The following RASGRF2 variants were observed in gnomAD, a reference collection of about 807,000 sequenced individuals.
The protein encoded by RASGRF2 is ras-specific guanine nucleotide-releasing factor 2.
In RASGRF2, 76 loss-of-function variants were observed where a neutral mutation model predicts 151.0. That is an observed-to-expected ratio of 0.50 (90% confidence interval 0.42 to 0.61). The LOEUF (loss-of-function observed/expected upper bound fraction) is 0.61, where lower values mean the gene tolerates loss of function less well. Among genes scored for constraint, RASGRF2 ranks in the 20% least tolerant of loss-of-function variants. The pLI, the probability that RASGRF2 is intolerant of heterozygous loss-of-function variation, is 0.00. For missense variants in RASGRF2, 1,148 were observed against 1,564.6 expected (o/e 0.73, Z 4.49); for synonymous variants, 504 against 566.5 (o/e 0.89, Z 1.57).
chr5:81,136,652 C>T (rs1045310666), intron 17 of RASGRF2, among the ~76,000 whole-genome samples: 12 of 152,186 alleles, frequency 7.9e-5, no homozygotes, highest in East Asian at 1.9e-4. Context: ...ATCTGGGTTT[C>T]GTGTCTGTTA....
rs901636624 is a variant in RASGRF2, at chr5:81,226,186, G to A, written c.*416G>A. On this transcript the variant is annotated 3_prime_UTR_variant, in exon 27 of 27. Transcript: ENST00000265080. ...CTGGGCACACCTACCAATCTTCTAG[G>A]ATTTGACTGGTTCCATTACATTTCC... 1.3e-5 allele frequency: 2 copies of A among 156,040 alleles called. No individual in the cohort carries two copies. The highest frequency in any genetic ancestry group is 2.4e-5 in the African/African-American group (1 of 41,540). 9.7% of individuals were successfully genotyped at this position (156,040 alleles called of 1,614,324 possible).
chr5:81,215,267 CTTTT>C (rs772223510), intron 23 of RASGRF2, among the ~76,000 whole-genome samples: 4 of 119,782 alleles, frequency 3.3e-5, no homozygotes, highest in South Asian at 2.7e-4. Context: ...AATATAGAAT[CTTTT>C]TTTTTTTTTT....
chr5:81,106,408 G>A (rs375992328), intron 12 of RASGRF2, among the ~76,000 whole-genome samples: 5 of 152,080 alleles, frequency 3.3e-5, no homozygotes, highest in South Asian at 2.1e-4. Flanking sequence ...TCCATTGAAC[G>A]AATACCACCA....
intron 1 of RASGRF2, among the ~76,000 whole-genome samples, chr5:81,007,107 A>G (rs749796550): frequency 6.6e-6 from 1 of 152,124 alleles, no homozygotes; most frequent in East Asian, 1.9e-4. Context: ...CTCCGTACAC[A>G]TTTATAAATG....
Position 81,225,893 on chromosome 5 carries a change from G to T in RASGRF2, c.*123G>T. 9.7e-7 allele frequency: 1 copy of T among 1,034,810 alleles called. No homozygotes were observed. The highest frequency in any genetic ancestry group is 1.3e-6 in the Non-Finnish European group (1 of 757,748). The allele number at this position is 1,034,810 out of a possible 1,614,324, so 64.1% of individuals were successfully genotyped here. On this transcript the variant is annotated 3_prime_UTR_variant, in exon 27 of 27. Coordinates refer to ENST00000265080, the MANE Select transcript of RASGRF2 (RefSeq NM_006909.3). ...GCTCCTTTCTCCACCAAAGAAGATG[G>T]AACCAGACTGGAATTCTGTCTCCAG...
intron 17 of RASGRF2, among the ~76,000 whole-genome samples, chr5:81,134,017 C>T (rs990776554): frequency 3.3e-5 from 5 of 150,544 alleles, no homozygotes; most frequent in African/African-American, 1.2e-4. Context: ...TCGTGGGATT[C>T]AGGAATTTTT....
intron 21 of RASGRF2, 84 bp from the exon 22 acceptor site, chr5:81,208,270 T>C: frequency 8.5e-7 from 1 of 1,177,042 alleles, no homozygotes; most frequent in South Asian, 1.4e-5. Context: ...GGAATTTTTC[T>C]AATATTCGTG....
intron 5 of RASGRF2, among the ~76,000 whole-genome samples, chr5:81,079,311 A>C (rs1258587019): frequency 6.6e-6 from 1 of 152,226 alleles, no homozygotes; most frequent in Non-Finnish European, 1.5e-5. Context: ...ATAAATTAGA[A>C]TCTCATGGAG....
chr5:81,137,624 C>T (rs1452194592), intron 17 of RASGRF2, among the ~76,000 whole-genome samples: 2 of 152,090 alleles, frequency 1.3e-5, no homozygotes, highest in African/African-American at 4.8e-5. Flanking sequence ...TGGATGAACC[C>T]TATAAGGAGG....
intron 1 of RASGRF2, among the ~76,000 whole-genome samples, chr5:80,989,620 AGTGCCACATC>A (rs1748584769): frequency 6.6e-6 from 1 of 152,202 alleles, no homozygotes; most frequent in African/African-American, 2.4e-5. Flanking sequence ...GTTTTCATAA[AGTGCCACATC>A]GTGTTAGTAA....
At chr5:81,052,804 A>G (rs1230092998) in intron 2 of RASGRF2, among the ~76,000 whole-genome samples, 2 of 152,236 alleles carry the variant, frequency 1.3e-5, no homozygotes, top group East Asian at 3.9e-4. Context: ...ATTGTCATCC[A>G]TGCTTGGATT....
chr5:81,204,525 A>G (rs939068909), intron 19 of RASGRF2, among the ~76,000 whole-genome samples: 42 of 152,180 alleles, frequency 2.8e-4, no homozygotes, highest in African/African-American at 9.9e-4. Flanking sequence ...TAAGTGTATG[A>G]TGAATACACT....
intron 16 of RASGRF2, among the ~76,000 whole-genome samples, chr5:81,126,429 CT>C (rs1406332357): frequency 6.6e-6 from 1 of 152,088 alleles, no homozygotes; most frequent in Non-Finnish European, 1.5e-5. Context: ...ATAGTTCAGT[CT>C]TTTTTTAATT....
At chr5:81,027,169 C>T (rs1750064927) in intron 1 of RASGRF2, among the ~76,000 whole-genome samples, 1 of 152,094 alleles carries the variant, frequency 6.6e-6, no homozygotes, top group Non-Finnish European at 1.5e-5. Flanking sequence ...AAAAAGAAAA[C>T]ACAGTGATGG....
chr5:81,055,144 C>T (rs1448065685), intron 2 of RASGRF2, among the ~76,000 whole-genome samples: 1 of 152,166 alleles, frequency 6.6e-6, no homozygotes, highest in African/African-American at 2.4e-5. Flanking sequence ...ATTGCCCTGG[C>T]CAGAACTTCC....
intron 5 of RASGRF2, among the ~76,000 whole-genome samples, chr5:81,078,666 G>C (rs940254151): frequency 3.9e-5 from 6 of 152,094 alleles, no homozygotes; most frequent in African/African-American, 1.2e-4. Flanking sequence ...TTTTAACACA[G>C]GTTTATAGTT....
Position 81,084,474 on chromosome 5 carries a change from G to C in RASGRF2, c.1162-1328G>C, listed in dbSNP as rs147545234. ...CTCCTCCATATATCCTAAAAAGGGAGGATTCTCCTGTTTCCCACCCTTCCA... is the reference window on the plus strand; with the variant it reads ...CTCCTCCATATATCCTAAAAAGGGACGATTCTCCTGTTTCCCACCCTTCCA... On this transcript the variant is annotated intron_variant, in intron 7 of 26. Transcript: ENST00000265080. 3.1e-3 allele frequency among the ~76,000 whole-genome samples: 466 copies of C among 152,284 alleles called. 3 individuals carry two copies. The highest frequency in any genetic ancestry group is 0.011 in the African/African-American group (449 of 41,558).
intron 24 of RASGRF2, among the ~76,000 whole-genome samples, 198 bp from the exon 25 acceptor site, chr5:81,217,158 G>A (rs1227034569): frequency 1.3e-5 from 2 of 152,134 alleles, no homozygotes; most frequent in African/African-American, 4.8e-5. Context: ...TAAAGCAGGG[G>A]CTGTCATTTT....
At chr5:81,082,971 T>C (rs1752127893) in intron 7 of RASGRF2, among the ~76,000 whole-genome samples, 1 of 152,242 alleles carries the variant, frequency 6.6e-6, no homozygotes, top group Non-Finnish European at 1.5e-5. Flanking sequence ...CCCTTCTGTC[T>C]TCTTCACTTG....
Sources: gnomAD v4.1 joint callset for allele counts (sites outside exome capture counted in the v4.1 genomes callset) on GRCh38, gnomAD v4.1.1 for gene constraint, MANE v1.5 for transcripts, NCBI Gene and HGNC (gene_info 2026-07-23, HGNC 2026-07-21) for gene names.